DYRK2: variants seen among roughly 807,000 people sequenced by gnomAD.
The protein encoded by DYRK2 is dual specificity tyrosine-phosphorylation-regulated kinase 2.
DYRK2 carries 12 observed loss-of-function variants against 41.6 expected under a neutral mutation model. The ratio of observed to expected loss-of-function variants is 0.29; its 90% confidence interval spans 0.18 to 0.47. DYRK2 has a LOEUF of 0.47. DYRK2 is among the 20% of genes least tolerant of loss of function. DYRK2 has a pLI of 1.00. For missense variants in DYRK2, 678 were observed against 798.4 expected (o/e 0.85, Z 1.82); for synonymous variants, 322 against 315.7 (o/e 1.02, Z -0.21).
In DYRK2 at chr12:67,660,940, A is replaced by G. The variant is rs967213578; in HGVS notation, c.*2227A>G. On this transcript the variant is annotated 3_prime_UTR_variant, in exon 3 of 3. Transcript: ENST00000344096. ...TAATTTCCCTATAAAATGACGATAC[A>G]TGTGAACATTTATAAATGGACTAAT... The G allele has an allele frequency of 4.8e-5, 8 of 167,104 alleles. No individual in the cohort carries two copies. The highest frequency in any genetic ancestry group is 1.0e-4 in the Non-Finnish European group (7 of 68,112). The allele number at this position is 167,104 out of a possible 1,614,324, so 10.4% of individuals were successfully genotyped here. A position where few individuals can be genotyped will look rare whatever the true frequency, so the allele number is the denominator to read the frequency against.
At chr12:67,649,284 C>A in intron 1 of DYRK2, 102 bp downstream of exon 1, 2 of 963,212 alleles carry the variant, frequency 2.1e-6, no homozygotes, top group Non-Finnish European at 2.7e-6. Flanking sequence ...CGAACAAAGT[C>A]GGCGGCGCGG....
intron 1 of DYRK2, 106 bp from the exon 2 acceptor site, chr12:67,649,691 C>T: frequency 1.7e-6 from 2 of 1,197,076 alleles, no homozygotes; most frequent in Non-Finnish European, 2.1e-6. Flanking sequence ...CTTCCTCCGT[C>T]TTTCTTTGGA....
At chr12:67,655,147 A>G (rs1400621057) in intron 2 of DYRK2, among the ~76,000 whole-genome samples, 1 of 152,164 alleles carries the variant, frequency 6.6e-6, no homozygotes, top group Non-Finnish European at 1.5e-5. Context: ...CTTGAAGTAA[A>G]TTTCTGAGGC....
In DYRK2 at chr12:67,661,271, A is replaced by G. The variant is rs1872616440; in HGVS notation, c.*2558A>G. ...AACATAAATTAATGAAGGCTCTGAT[A>G]GGCTATTAGGAGTTGGCTTGGAAAC... On this transcript the variant is annotated 3_prime_UTR_variant, in exon 3 of 3. Coordinates refer to ENST00000344096, the MANE Select transcript of DYRK2 (RefSeq NM_006482.3). 1 of 167,222 alleles carries G rather than the reference A, an allele frequency of 6.0e-6. No homozygotes were observed. The highest frequency in any genetic ancestry group is 1.9e-4 in the East Asian group (1 of 5,196). The allele number at this position is 167,222 out of a possible 1,614,324, so 10.4% of individuals were successfully genotyped here.
chr12:67,652,197 T>A (rs1016238391), intron 2 of DYRK2, among the ~76,000 whole-genome samples: 3 of 152,182 alleles, frequency 2.0e-5, no homozygotes, highest in Admixed American at 6.5e-5. Context: ...TGCCCTTTTG[T>A]TTTATATCTC....
In DYRK2 at chr12:67,662,822, A is replaced by G. The variant is rs975907467; in HGVS notation, c.*4109A>G. On this transcript the variant is annotated 3_prime_UTR_variant, in exon 3 of 3. Coordinates refer to ENST00000344096, the MANE Select transcript of DYRK2 (RefSeq NM_006482.3). ...TCATTCTACTAGTTTGTTCATAGCAATACTTTATTAGTTCAATATAAGTAT... is the reference window on the plus strand; with the variant it reads ...TCATTCTACTAGTTTGTTCATAGCAGTACTTTATTAGTTCAATATAAGTAT... 2 of 152,608 alleles carry G rather than the reference A, an allele frequency of 1.3e-5. No homozygotes were observed. Among genetic ancestry groups the G allele is most frequent in the African/African-American group, 2.4e-5 (1 of 41,428 alleles). The allele number at this position is 152,608 out of a possible 1,614,324, so 9.5% of individuals were successfully genotyped here.
rs769580168 is a variant in DYRK2, at chr12:67,658,734, G to A, written c.*21G>A. 55 of 1,577,334 alleles carry A rather than the reference G, an allele frequency of 3.5e-5. No homozygotes were observed. In the South Asian group the frequency reaches 6.3e-4, roughly 18 times the overall value. ...GCTGAGCTCACGTCCCCTGATGCTG[G>A]TAACCTGAAAGATACGACATTGCTG... On this transcript the variant is annotated 3_prime_UTR_variant, in exon 3 of 3. Coordinates refer to ENST00000344096, the MANE Select transcript of DYRK2 (RefSeq NM_006482.3). The surrounding 1 kb of genome is among the most constrained non-coding windows in gnomAD (Gnocchi z 4.3).
intron 2 of DYRK2, among the ~76,000 whole-genome samples, chr12:67,652,990 T>C (rs528368493): frequency 4.0e-5 from 6 of 151,412 alleles, no homozygotes; most frequent in African/African-American, 1.5e-4. Flanking sequence ...CCACCATGCC[T>C]GGCTAATTTT....
chr12:67,660,328 G>C lies in DYRK2; in HGVS notation c.*1615G>C, dbSNP rs1872588914. On this transcript the variant is annotated 3_prime_UTR_variant, in exon 3 of 3. Coordinates refer to ENST00000344096, the MANE Select transcript of DYRK2 (RefSeq NM_006482.3). ...TGAGGCCAAGAAAGTTTCCGGTTAA[G>C]TTCTTTAATAATAATCCTACAGTTT... 4 of 165,132 alleles carry C rather than the reference G, an allele frequency of 2.4e-5. No homozygotes were observed. Among genetic ancestry groups the C allele is most frequent in the Non-Finnish European group, 1.5e-5 (1 of 67,728 alleles). 10.2% of individuals were successfully genotyped at this position (165,132 alleles called of 1,614,324 possible).
In DYRK2 at chr12:67,661,267, T is replaced by C. The variant is rs1343415454; in HGVS notation, c.*2554T>C. ...TTAAAACATAAATTAATGAAGGCTC[T>C]GATAGGCTATTAGGAGTTGGCTTGG... On this transcript the variant is annotated 3_prime_UTR_variant, in exon 3 of 3. Coordinates refer to ENST00000344096, the MANE Select transcript of DYRK2 (RefSeq NM_006482.3). 3 of 167,110 alleles carry C rather than the reference T, an allele frequency of 1.8e-5. No individual in the cohort carries two copies. Among genetic ancestry groups the C allele is most frequent in the Non-Finnish European group, 4.4e-5 (3 of 68,116 alleles). The allele number at this position is 167,110 out of a possible 1,614,324, so 10.4% of individuals were successfully genotyped here.
chr12:67,658,841 T>C lies in DYRK2; in HGVS notation c.*128T>C. ...CTACTCATTTGTATCTTTTCAGCAC[T>C]TAATTTTAATGTAAGAAAGTTGTTC... On this transcript the variant is annotated 3_prime_UTR_variant, in exon 3 of 3. Coordinates refer to ENST00000344096, the MANE Select transcript of DYRK2 (RefSeq NM_006482.3). The surrounding 1 kb of genome is among the most constrained non-coding windows in gnomAD (Gnocchi z 4.3). The C allele has an allele frequency of 9.7e-7, 1 of 1,030,780 alleles. No individual in the cohort carries two copies. The highest frequency in any genetic ancestry group is 1.4e-6 in the Non-Finnish European group (1 of 730,822). The allele number at this position is 1,030,780 out of a possible 1,614,324, so 63.9% of individuals were successfully genotyped here. A position where few individuals can be genotyped will look rare whatever the true frequency, so the allele number is the denominator to read the frequency against.
chr12:67,651,249 G>A (rs1872313467), intron 2 of DYRK2, among the ~76,000 whole-genome samples: 1 of 152,136 alleles, frequency 6.6e-6, no homozygotes, highest in Admixed American at 6.5e-5. Context: ...TGATATTTAA[G>A]GGACTGCCAT....
chr12:67,660,208 G>A lies in DYRK2; in HGVS notation c.*1495G>A, dbSNP rs1208595806. The A allele has an allele frequency of 1.2e-5, 2 of 166,950 alleles. 1 individual carries two copies. Among genetic ancestry groups the A allele is most frequent in the African/African-American group, 4.8e-5 (2 of 41,394 alleles). 10.3% of individuals were successfully genotyped at this position (166,950 alleles called of 1,614,324 possible). A position where few individuals can be genotyped will look rare whatever the true frequency, so the allele number is the denominator to read the frequency against. ...TGCCTGTTTGGACAATAGGTTTTGG[G>A]TAGTACAGATTAGGATAAGTAAGCT... On this transcript the variant is annotated 3_prime_UTR_variant, in exon 3 of 3. Coordinates refer to ENST00000344096, the MANE Select transcript of DYRK2 (RefSeq NM_006482.3).
chr12:67,658,667 A>G lies in DYRK2; in HGVS notation c.1760A>G (p.Asn587Ser), dbSNP rs1592714941. 2.5e-6 allele frequency: 4 copies of G among 1,613,788 alleles called. No homozygotes were observed. The highest frequency in any genetic ancestry group is 2.5e-6 in the Non-Finnish European group (3 of 1,179,824). The stretch of plus-strand genomic sequence containing the variant: ...AATTTGGCGCAGATGACAGATGCCA[A>G]TGGGAATATTCAGCAGAGGACAGTG... ...RTNLAQMTDA[N>S]GNIQQRTVLP... The change falls in exon 3 of 3, where the codon AAT becomes AGT. Residue 587 changes from asparagine (N) to serine (S), a missense_variant. Coordinates refer to ENST00000344096, the MANE Select transcript of DYRK2 (RefSeq NM_006482.3). The surrounding 1 kb of genome is among the most constrained non-coding windows in gnomAD (Gnocchi z 4.3).
Position 67,649,182 on chromosome 12 carries a change from G to A in DYRK2, c.49G>A (p.Gly17Ser), listed in dbSNP as rs753274270. The A allele has an allele frequency of 1.3e-6, 2 of 1,506,260 alleles. No individual in the cohort carries two copies. The highest frequency in any genetic ancestry group is 2.9e-5 in the African/African-American group (2 of 69,016). The allele number at this position is 1,506,260 out of a possible 1,614,324, so 93.3% of individuals were successfully genotyped here. A position where few individuals can be genotyped will look rare whatever the true frequency, so the allele number is the denominator to read the frequency against. The stretch of plus-strand genomic sequence containing the variant: ...CGCCGCTCCCGCCGCCTACCCGACC[G>A]GTAAGGAGGCCGTGCCGCCGCGCCG... Reference protein sequence around the residue: ...SAAAPAAYPTGRGGDSAVRQL... With the variant: ...SAAAPAAYPTSRGGDSAVRQL... The change falls in exon 1 of 3, where the codon GGC (glycine) becomes AGC (serine). Residue 17 changes from glycine to serine, a missense_variant and splice_region_variant. Gly to Ser is a moderately conservative substitution (Grantham distance 56). Coordinates refer to ENST00000344096, the MANE Select transcript of DYRK2 (RefSeq NM_006482.3).
At position 67,649,027 on chromosome 12, in the gene DYRK2, A is replaced by T; in HGVS notation, c.-107A>T. 1 of 935,968 alleles carries T rather than the reference A, an allele frequency of 1.1e-6. No homozygotes were observed. The allele number at this position is 935,968 out of a possible 1,614,324, so 58.0% of individuals were successfully genotyped here. A position where few individuals can be genotyped will look rare whatever the true frequency, so the allele number is the denominator to read the frequency against. Reference sequence around the variant, plus strand: ...GCGAGGCGGCGACGAGGCGCCGGGGACCCGCGCGAGGGGCGGCCGGGAGGC... The same window carrying T: ...GCGAGGCGGCGACGAGGCGCCGGGGTCCCGCGCGAGGGGCGGCCGGGAGGC... On this transcript the variant is annotated 5_prime_UTR_variant, in exon 1 of 3. Coordinates refer to ENST00000344096, the MANE Select transcript of DYRK2 (RefSeq NM_006482.3).
Position 67,659,556 on chromosome 12 carries a change from GTCT to G in DYRK2, c.*849_*851del, listed in dbSNP as rs2120845839. 2 of 166,746 alleles carry G rather than the reference GTCT, an allele frequency of 1.2e-5. No individual in the cohort carries two copies. Among genetic ancestry groups the G allele is most frequent in the East Asian group, 3.9e-4 (2 of 5,174 alleles). 10.3% of individuals were successfully genotyped at this position (166,746 alleles called of 1,614,324 possible). On this transcript the variant is annotated 3_prime_UTR_variant, in exon 3 of 3. Transcript: ENST00000344096. Reference sequence around the variant, plus strand: ...CACGTCTGTTGCTTGCATTTAGTTTGTCTTCTTCCTTCAGCTGTGTATCCCAGA... The same window carrying G: ...CACGTCTGTTGCTTGCATTTAGTTTGTCTTCCTTCAGCTGTGTATCCCAGA...
In DYRK2 at chr12:67,658,731, C is replaced by T. The variant is rs761070005; in HGVS notation, c.*18C>T. On this transcript the variant is annotated 3_prime_UTR_variant, in exon 3 of 3. Coordinates refer to ENST00000344096, the MANE Select transcript of DYRK2 (RefSeq NM_006482.3). This position sits in a 1 kb window ranked among gnomAD's most constrained non-coding sequence, Gnocchi z 4.3. ...TTAGCTGAGCTCACGTCCCCTGATGCTGGTAACCTGAAAGATACGACATTG... is the reference window on the plus strand; with the variant it reads ...TTAGCTGAGCTCACGTCCCCTGATGTTGGTAACCTGAAAGATACGACATTG... 1.1e-5 allele frequency: 18 copies of T among 1,578,516 alleles called. 1 individual carries two copies. The South Asian group carries it at 1.9e-4, about 17-fold the overall frequency.
At chr12:67,655,545 A>T (rs1254093040) in intron 2 of DYRK2, among the ~76,000 whole-genome samples, 3 of 152,210 alleles carry the variant, frequency 2.0e-5, no homozygotes, top group African/African-American at 7.2e-5. Flanking sequence ...AAGGTCACCT[A>T]GCATGGAGTA....
Sources: gnomAD v4.1 joint callset for allele counts (sites outside exome capture counted in the v4.1 genomes callset) on GRCh38, gnomAD v4.1.1 for gene constraint, Gnocchi (gnomAD v3.1) non-coding constraint, MANE v1.5 for transcripts, NCBI Gene and HGNC (gene_info 2026-07-23, HGNC 2026-07-21) for gene names.